CLIP1: variants seen among roughly 807,000 people sequenced by gnomAD.
The protein encoded by CLIP1 is CAP-Gly domain containing linker protein 1, also known as CAP-Gly domain-containing linker protein 1.
Under a neutral mutation model 161.6 loss-of-function variants are expected in CLIP1, and 66 were observed. The observed-to-expected ratio is 0.41, with a 90% CI of 0.33 to 0.50. The LOEUF (loss-of-function observed/expected upper bound fraction) is 0.50. Ranked by LOEUF, CLIP1 falls within the 20% of genes least tolerant of loss-of-function variation. The probability of loss-of-function intolerance (pLI) is 0.27; values close to 1 mark genes in which losing one functional copy is unlikely to be tolerated. For synonymous variants in CLIP1, 598 were observed against 626.2 expected (o/e 0.96, Z 0.67); for missense variants, 1,376 against 1,702.0 (o/e 0.81, Z 3.37).
intron 1 of CLIP1, among the ~76,000 whole-genome samples, chr12:122,412,165 C>T (rs1222651789): frequency 9.4e-5 from 14 of 149,026 alleles, no homozygotes; most frequent in African/African-American, 3.4e-4. Flanking sequence ...ACCTCCTGGG[C>T]TCAAGGAATC....
At chr12:122,284,176 T>G (rs12822121) in intron 21 of CLIP1, among the ~76,000 whole-genome samples, 34,876 of 151,916 alleles carry the variant, frequency 0.23, 5,006 homozygotes, top group East Asian at 0.62. Flanking sequence ...CAAAAAACAC[T>G]TCTACACATG....
chr12:122,392,978 C>T (rs948814834), intron 1 of CLIP1, among the ~76,000 whole-genome samples: 4 of 151,954 alleles, frequency 2.6e-5, no homozygotes, highest in African/African-American at 2.4e-5. Context: ...GACAGGGTTT[C>T]GCTATGTTGG....
chr12:122,312,635 A>C (rs1373324716), intron 19 of CLIP1, among the ~76,000 whole-genome samples: 1 of 152,102 alleles, frequency 6.6e-6, no homozygotes, highest in African/African-American at 2.4e-5. Flanking sequence ...GTGGTGGTGC[A>C]TGTCTGTGAT....
rs149066137 is a variant in CLIP1 at position 122,305,805 on chromosome 12, T to C, written c.3594+3957A>G. On this transcript the variant is annotated intron_variant, in intron 20 of 25. Coordinates refer to ENST00000620786, the MANE Select transcript of CLIP1 (RefSeq NM_001247997.2). ...TCAGATGGCTGAGCGCAGTGGCTCA[T>C]GCCTGTAATCCCAGCACTTTGGGAG... Among the ~76,000 whole-genome samples, 802 of 152,090 alleles carry C rather than the reference T, an allele frequency of 5.3e-3. 9 individuals are homozygous for C. The highest frequency in any genetic ancestry group is 0.018 in the African/African-American group (757 of 41,492).
chr12:122,350,306 C>T (rs74501399), intron 9 of CLIP1, among the ~76,000 whole-genome samples: 11,266 of 152,056 alleles, frequency 0.074, 1,332 homozygotes, highest in African/African-American at 0.26. Flanking sequence ...CAAGGCAAAA[C>T]GTTTTCAGGT....
chr12:122,316,577 G>T (rs1951282041), intron 19 of CLIP1, among the ~76,000 whole-genome samples, 172 bp downstream of exon 19: 1 of 152,076 alleles, frequency 6.6e-6, no homozygotes, highest in South Asian at 2.1e-4. Context: ...CTTTAACTTA[G>T]CTGTGGCTCT....
Position 122,334,029 on chromosome 12 carries a change from G to A in CLIP1, c.2708C>T (p.Ala903Val). Residue 903 changes from alanine to valine, a missense_variant and splice_region_variant, in exon 14 of 26, where the codon GCA becomes GTA. Physicochemically the swap from Ala to Val is moderately conservative, Grantham distance 64. This residue lies in a region of CLIP1 where 948 missense variants were observed against 1,134.8 expected (regional missense o/e 0.84). Coordinates refer to ENST00000620786, the MANE Select transcript of CLIP1 (RefSeq NM_001247997.2). ...AGTCACCAGAGATGTCTTCTTACCT[G>A]CTAAGTTTTCTCTCAGCTTCTCCAA... ...SDLEKLRENL[A>V]DMEAKFREKD... 1 of 1,602,862 alleles carries A rather than the reference G, an allele frequency of 6.2e-7. No homozygotes were observed. The highest frequency in any genetic ancestry group is 8.5e-7 in the Non-Finnish European group (1 of 1,169,906).
At chr12:122,351,042 T>A in intron 9 of CLIP1, 69 bp downstream of exon 9, 1 of 1,175,262 alleles carries the variant, frequency 8.5e-7, no homozygotes, top group Non-Finnish European at 1.2e-6. Context: ...AGTATATCAA[T>A]AAGCATTTTA....
chr12:122,351,181 A>G (rs765941098), intron 8 of CLIP1, 38 bp from the exon 9 acceptor site: 2 of 1,278,696 alleles, frequency 1.6e-6, no homozygotes, highest in South Asian at 1.5e-5. Context: ...AACAACAACA[A>G]AAAAGAGATT....
intron 4 of CLIP1, among the ~76,000 whole-genome samples, chr12:122,363,566 C>G (rs773882103): frequency 1.3e-5 from 2 of 151,950 alleles, no homozygotes; most frequent in Non-Finnish European, 2.9e-5. Context: ...GTTCTCCTGC[C>G]GCAGGATGGA....
intron 12 of CLIP1, among the ~76,000 whole-genome samples, chr12:122,336,074 T>TA (rs1045313666): frequency 1.3e-5 from 2 of 152,008 alleles, no homozygotes; most frequent in Admixed American, 6.6e-5. Context: ...TGAGAAAAGG[T>TA]AAAAAATATA....
chr12:122,357,825 G>GC (rs1167526637), intron 5 of CLIP1, among the ~76,000 whole-genome samples: 5 of 146,290 alleles, frequency 3.4e-5, no homozygotes, highest in South Asian at 2.2e-4. Context: ...GGGGGGGTCA[G>GC]CCCCCCGCCC....
At position 122,357,286 on chromosome 12, in the gene CLIP1, C is replaced by T. The variant is rs1250368016; in HGVS notation, c.1006-1974G>A. The stretch of plus-strand genomic sequence containing the variant: ...GATGTGAGGAGCGCCTCTACCTGGC[C>T]GCGACCCTGTCTGGGAGGTGAGGAG... On this transcript the variant is annotated intron_variant, in intron 5 of 25. Coordinates refer to ENST00000620786, the MANE Select transcript of CLIP1 (RefSeq NM_001247997.2). 4.6e-4 allele frequency among the ~76,000 whole-genome samples: 69 copies of T among 151,560 alleles called. 1 individual carries two copies. Among genetic ancestry groups the T allele is most frequent in the African/African-American group, 1.6e-3 (67 of 41,274 alleles).
At chr12:122,352,815 TAAG>T (rs1280055146) in intron 7 of CLIP1, 29 bp from the exon 8 acceptor site, 2 of 1,569,400 alleles carry the variant, frequency 1.3e-6, no homozygotes, top group African/African-American at 1.4e-5. Flanking sequence ...ACAAAACACT[TAAG>T]AAACTAAGTA....
intron 1 of CLIP1, among the ~76,000 whole-genome samples, chr12:122,407,635 C>T (rs1956370125): frequency 6.8e-6 from 1 of 146,604 alleles, no homozygotes; most frequent in Non-Finnish European, 1.5e-5. Flanking sequence ...GAGATTGAAG[C>T]TGCAGTGAGC....
intron 17 of CLIP1, chr12:122,322,201 T>C (rs1377303621): frequency 6.6e-6 from 1 of 152,656 alleles, no homozygotes; most frequent in Non-Finnish European, 1.5e-5. Flanking sequence ...CATTTTGAGA[T>C]TCTAGGAGAT....
At chr12:122,419,554 G>A (rs1407506202) in intron 1 of CLIP1, among the ~76,000 whole-genome samples, 1 of 151,854 alleles carries the variant, frequency 6.6e-6, no homozygotes, top group Non-Finnish European at 1.5e-5. Flanking sequence ...AGGTTCAAAG[G>A]TGCCTACCTT....
At chr12:122,329,116 C>T (rs1297671700) in intron 15 of CLIP1, among the ~76,000 whole-genome samples, 1 of 152,020 alleles carries the variant, frequency 6.6e-6, no homozygotes, top group African/African-American at 2.4e-5. Flanking sequence ...CATTTAAGTT[C>T]AGGAGTTCAA....
intron 17 of CLIP1, among the ~76,000 whole-genome samples, chr12:122,325,086 G>A (rs999712894): frequency 8.6e-5 from 12 of 139,518 alleles, no homozygotes; most frequent in Middle Eastern, 3.8e-3. Context: ...ACTGAGTCTC[G>A]CTCTATCTAT....
Sources: allele counts gnomAD v4.1 joint callset (sites outside exome capture counted in the v4.1 genomes callset), GRCh38; gene constraint gnomAD v4.1.1; regional missense constraint gnomAD v4.1.1; transcripts MANE v1.5; gene names NCBI Gene and HGNC (gene_info 2026-07-23, HGNC 2026-07-21).